GLRA3: variants seen among roughly 807,000 people sequenced by gnomAD.
GLRA3 encodes glycine receptor alpha 3.
Under a neutral mutation model 60.4 loss-of-function variants are expected in GLRA3, and 44 were observed. The ratio of observed to expected loss-of-function variants is 0.73; its 90% CI spans 0.57 to 0.94. The LOEUF is 0.94. Ranked by LOEUF, GLRA3 falls within the 40% of genes least tolerant of loss-of-function variation. The pLI is 0.00. For missense variants in GLRA3, 508 were observed against 564.6 expected, an observed-to-expected ratio of 0.90 and a Z score of 1.02; for synonymous variants, 223 against 192.9, an observed-to-expected ratio of 1.16 and a Z score of -1.29.
rs1293329040 is a variant in GLRA3 at position 174,639,785 on chromosome 4, G to A, written c.*4001C>T. The A allele has an allele frequency of 6.6e-6, 1 of 151,994 alleles. No homozygotes were observed. The highest frequency in any genetic ancestry group is 1.5e-5 in the Non-Finnish European group (1 of 67,976). 9.4% of individuals were successfully genotyped at this position (151,994 alleles called of 1,614,324 possible). A position where few individuals can be genotyped will look rare whatever the true frequency, so the allele number is the denominator to read the frequency against. On this transcript the variant is annotated 3_prime_UTR_variant, in exon 10 of 10. Coordinates refer to ENST00000274093, the MANE Select transcript of GLRA3 (RefSeq NM_006529.4). ...GTTAATTAAATTAATGCAATTTACA[G>A]TGTACACTGCTTATTTATCCATGAA... is the stretch of plus-strand genomic sequence containing the variant.
intron 5 of GLRA3, among the ~76,000 whole-genome samples, chr4:174,686,883 T>C (rs1384926540): frequency 1.3e-5 from 2 of 152,202 alleles, no homozygotes; most frequent in Admixed American, 1.3e-4. Flanking sequence ...TGTCAAATAA[T>C]GTAAGATGAT....
intron 2 of GLRA3, among the ~76,000 whole-genome samples, chr4:174,777,986 A>G (rs1258632080): frequency 6.6e-6 from 1 of 152,230 alleles, no homozygotes. Context: ...AAATGGAGAC[A>G]AAGCTAGAAT....
chr4:174,721,007 TTGTG>T lies in GLRA3; in HGVS notation c.492-5441_492-5438del, dbSNP rs10639932. Among the ~76,000 whole-genome samples the T allele has an allele frequency of 9.0e-3, 1,269 of 141,502 alleles. 11 individuals are homozygous for T. Among genetic ancestry groups the T allele is most frequent in the African/African-American group, 0.026 (1,016 of 39,206 alleles). The allele number at this position is 141,502 out of a possible 152,430, so 92.8% of individuals were successfully genotyped here. A position where few individuals can be genotyped will look rare whatever the true frequency, so the allele number is the denominator to read the frequency against. On this transcript the variant is annotated intron_variant, in intron 4 of 9. Transcript: ENST00000274093. Reference sequence around the variant, plus strand: ...TATGTTTTATAGAACTGTGTGAACTTTGTGTGTGTGTGTGTGTGTGTGTGTGTGT... The same window carrying T: ...TATGTTTTATAGAACTGTGTGAACTTTGTGTGTGTGTGTGTGTGTGTGTGT...
chr4:174,643,719 C>G lies in GLRA3; in HGVS notation c.*67G>C. The G allele has an allele frequency of 6.4e-7, 1 of 1,562,530 alleles. No individual in the cohort carries two copies. Among genetic ancestry groups the G allele is most frequent in the Admixed American group, 1.8e-5 (1 of 55,334 alleles). On this transcript the variant is annotated 3_prime_UTR_variant, in exon 10 of 10. Transcript: ENST00000274093. ...TGTATACCACACGCACACATATACA[C>G]ATACACACCTATGGCAGAGACACTT...
intron 5 of GLRA3, among the ~76,000 whole-genome samples, chr4:174,702,849 G>A (rs1735377086): frequency 6.6e-6 from 1 of 152,126 alleles, no homozygotes; most frequent in Admixed American, 6.6e-5. Flanking sequence ...TCTATTGATG[G>A]TATATTTGAA....
intron 3 of GLRA3, among the ~76,000 whole-genome samples, chr4:174,736,290 TTTTAAAAA>T (rs529466183): frequency 9.7e-4 from 148 of 152,286 alleles, no homozygotes; most frequent in African/African-American, 3.5e-3. Flanking sequence ...AAATTTAAAA[TTTTAAAAA>T]TTTAAAAATT....
intron 9 of GLRA3, among the ~76,000 whole-genome samples, chr4:174,647,198 G>A (rs1218221210): frequency 6.6e-6 from 1 of 152,090 alleles, no homozygotes; most frequent in African/African-American, 2.4e-5. Flanking sequence ...CTTGAGCGCA[G>A]GAGTTGGGGA....
At chr4:174,733,651 T>TCTC (rs1247162948) in intron 3 of GLRA3, among the ~76,000 whole-genome samples, 1 of 152,164 alleles carries the variant, frequency 6.6e-6, no homozygotes, top group Non-Finnish European at 1.5e-5. Context: ...CGAGGCAACC[T>TCTC]TAAATAAACA....
chr4:174,804,054 T>C (rs929404731), intron 1 of GLRA3, among the ~76,000 whole-genome samples: 2 of 152,186 alleles, frequency 1.3e-5, no homozygotes, highest in Non-Finnish European at 2.9e-5. Context: ...GGGGTTTATA[T>C]TGTTTTGTAT....
In GLRA3 at chr4:174,673,383, A is replaced by G. The variant is rs569580658; in HGVS notation, c.927+3695T>C. On this transcript the variant is annotated intron_variant, in intron 7 of 9. Coordinates refer to ENST00000274093, the MANE Select transcript of GLRA3 (RefSeq NM_006529.4). Reference sequence around the variant, plus strand: ...AATTTATACTAAAAATAATTGAATTATTATTACTATCTCCTCTTTCAACCC... The same window carrying G: ...AATTTATACTAAAAATAATTGAATTGTTATTACTATCTCCTCTTTCAACCC... 2.6e-5 allele frequency among the ~76,000 whole-genome samples: 4 copies of G among 152,228 alleles called. No individual in the cohort carries two copies. The East Asian group carries it at 7.7e-4, about 29-fold the overall frequency.
rs570608698 is a variant in GLRA3, at chr4:174,749,453, A to C, written c.267+17510T>G. 2.6e-4 allele frequency among the ~76,000 whole-genome samples: 40 copies of C among 152,276 alleles called. 2 individuals carry two copies. In the South Asian group the frequency reaches 3.1e-3, roughly 12 times the overall value. On this transcript the variant is annotated intron_variant, in intron 3 of 9. Transcript: ENST00000274093. ...TGTGTTTGAAGGCCAGGCATATCTG[A>C]ATCCATTAAATGATAGGATACTAGA...
chr4:174,643,554 C>T lies in GLRA3; in HGVS notation c.*232G>A. 1 of 1,184,676 alleles carries T rather than the reference C, an allele frequency of 8.4e-7. No individual in the cohort carries two copies. The highest frequency in any genetic ancestry group is 1.0e-6 in the Non-Finnish European group (1 of 953,342). 73.4% of individuals were successfully genotyped at this position (1,184,676 alleles called of 1,614,324 possible). A position where few individuals can be genotyped will look rare whatever the true frequency, so the allele number is the denominator to read the frequency against. ...CATGGTTTACTGTGAAAAAACAAAT[C>T]ACCTGGAATTAATATGAAATAGAAT... On this transcript the variant is annotated 3_prime_UTR_variant, in exon 10 of 10. Coordinates refer to ENST00000274093, the MANE Select transcript of GLRA3 (RefSeq NM_006529.4).
At chr4:174,799,510 A>C (rs1739723188) in intron 1 of GLRA3, among the ~76,000 whole-genome samples, 1 of 152,330 alleles carries the variant, frequency 6.6e-6, no homozygotes, top group South Asian at 2.1e-4. Flanking sequence ...CCAGTTTTGA[A>C]AACTTTATGG....
At chr4:174,821,635 C>G (rs1188184266) in intron 1 of GLRA3, among the ~76,000 whole-genome samples, 2 of 151,944 alleles carry the variant, frequency 1.3e-5, no homozygotes, top group African/African-American at 4.8e-5. Context: ...CAAAAAATGT[C>G]TACAAAAGGT....
intron 5 of GLRA3, among the ~76,000 whole-genome samples, chr4:174,711,620 A>C (rs1735722731): frequency 6.6e-6 from 1 of 151,852 alleles, no homozygotes; most frequent in Admixed American, 6.6e-5. Context: ...TTGTATTTTT[A>C]GTAGAGATGG....
At chr4:174,828,720 G>A in intron 1 of GLRA3, 21 bp downstream of exon 1, 1 of 1,534,334 alleles carries the variant, frequency 6.5e-7, no homozygotes, top group Non-Finnish European at 9.0e-7. Context: ...TTCTCCGACT[G>A]TTAAATCCAA....
chr4:174,702,797 G>A (rs1178142127), intron 5 of GLRA3, among the ~76,000 whole-genome samples: 4 of 152,020 alleles, frequency 2.6e-5, no homozygotes, highest in Non-Finnish European at 5.9e-5. Context: ...CAAACTCCTG[G>A]CCTCAAGTGA....
At chr4:174,644,095 A>G (rs1477825650) in intron 9 of GLRA3, 31 bp from the exon 10 acceptor site, 6 of 1,271,690 alleles carry the variant, frequency 4.7e-6, no homozygotes, top group South Asian at 2.5e-5. Context: ...AAGGCCCTTT[A>G]ATAATACAAT....
At chr4:174,747,247 A>G (rs533831011) in intron 3 of GLRA3, among the ~76,000 whole-genome samples, 75 of 152,318 alleles carry the variant, frequency 4.9e-4, no homozygotes, top group Middle Eastern at 3.4e-3. Context: ...TGGAAAGAGT[A>G]GTCGATGAAG....
Sources: allele counts gnomAD v4.1 joint callset (sites outside exome capture counted in the v4.1 genomes callset), GRCh38; gene constraint gnomAD v4.1.1; transcripts MANE v1.5; gene names NCBI Gene and HGNC (gene_info 2026-07-23, HGNC 2026-07-21).